The following NDST1 variants were observed in gnomAD, a reference collection of about 807,000 sequenced individuals.
NDST1 encodes the protein bifunctional heparan sulfate N-deacetylase/N-sulfotransferase 1.
NDST1 carries 35 observed loss-of-function variants against 92.8 expected under a neutral mutation model. The ratio of observed to expected loss-of-function variants is 0.38; its 90% confidence interval spans 0.29 to 0.50. The LOEUF (loss-of-function observed/expected upper bound fraction) is 0.50. NDST1 is among the 20% of genes least tolerant of loss of function. NDST1 has a pLI of 0.94. For missense variants in NDST1, 822 were observed against 1,182.7 expected, an observed-to-expected ratio of 0.69 and a Z score of 4.47; for synonymous variants, 493 against 500.3, an observed-to-expected ratio of 0.99 and a Z score of 0.19.
rs1755857889 is a variant in NDST1 at position 150,555,824 on chromosome 5, A to G, written c.*2492A>G. 2 of 152,254 alleles carry G rather than the reference A, an allele frequency of 1.3e-5. 1 individual carries two copies. The highest frequency in any genetic ancestry group is 1.3e-4 in the Admixed American group (2 of 15,284). 9.4% of individuals were successfully genotyped at this position (152,254 alleles called of 1,614,324 possible). A position where few individuals can be genotyped will look rare whatever the true frequency, so the allele number is the denominator to read the frequency against. On this transcript the variant is annotated 3_prime_UTR_variant, in exon 15 of 15. Coordinates refer to ENST00000261797, the MANE Select transcript of NDST1 (RefSeq NM_001543.5). The stretch of plus-strand genomic sequence containing the variant: ...TATGGGAAGGAGCAGGCGGTTGGAA[A>G]TCCTGTGACAGCAGAGATCTTCTGG...
intron 1 of NDST1, among the ~76,000 whole-genome samples, chr5:150,511,553 G>A (rs78272653): frequency 0.024 from 3,698 of 152,276 alleles, 151 homozygotes; most frequent in African/African-American, 0.084. Flanking sequence ...CAAGCCAGGA[G>A]GTCCTTTCCT....
Position 150,502,414 on chromosome 5 carries a change from C to T in NDST1, c.-388+4175C>T, listed in dbSNP as rs921541469. On this transcript the variant is annotated intron_variant, in intron 1 of 1. Transcript: ENST00000518299. ...TTGAGGAACTGGAAGGACAGTTGGACAGTATTGCTATTTACCAAGACAGAG... is the reference window on the plus strand; with the variant it reads ...TTGAGGAACTGGAAGGACAGTTGGATAGTATTGCTATTTACCAAGACAGAG... Among the ~76,000 whole-genome samples, 3 of 152,022 alleles carry T rather than the reference C, an allele frequency of 2.0e-5. No homozygotes were observed. In the South Asian group the frequency reaches 6.2e-4, roughly 32 times the overall value.
chr5:150,508,559 C>T (rs1044586057), intron 1 of NDST1, among the ~76,000 whole-genome samples: 2 of 152,146 alleles, frequency 1.3e-5, no homozygotes, highest in Non-Finnish European at 2.9e-5. Context: ...GACAGCTAGG[C>T]ATGTCCACAA....
At chr5:150,509,863 C>A (rs1419279617) in intron 1 of NDST1, among the ~76,000 whole-genome samples, 9 of 152,216 alleles carry the variant, frequency 5.9e-5, no homozygotes, top group Non-Finnish European at 1.0e-4. Flanking sequence ...GACCCTCTGG[C>A]TGAAGTCCTG....
upstream of NDST1, among the ~76,000 whole-genome samples, chr5:150,503,928 C>T (rs539203289): frequency 6.6e-5 from 10 of 152,238 alleles, no homozygotes; most frequent in East Asian, 9.7e-4. Flanking sequence ...ACTTAATTTA[C>T]GTGTAGGTAG....
intron 13 of NDST1, among the ~76,000 whole-genome samples, 183 bp from the exon 14 acceptor site, chr5:150,551,570 C>T (rs186635482): frequency 2.2e-4 from 33 of 152,280 alleles, no homozygotes; most frequent in Admixed American, 6.5e-4. Context: ...AGGACAGGCA[C>T]GTTTAGTGCA....
At chr5:150,502,010 G>A (rs1753253814) in intron 1 of NDST1, among the ~76,000 whole-genome samples, 1 of 152,204 alleles carries the variant, frequency 6.6e-6, no homozygotes, top group African/African-American at 2.4e-5. Flanking sequence ...CAGAGGCAGG[G>A]CTGAAAGAAT....
chr5:150,527,794 T>C lies in NDST1; in HGVS notation c.514-10T>C, dbSNP rs766185281. The C allele has an allele frequency of 1.2e-6, 2 of 1,613,378 alleles. No homozygotes were observed. ...GTTCTGTTCCCCTTCCTGCCCTCCA[T>C]TGACTGCAGGCCAATGAGAACAGCC... is the stretch of plus-strand genomic sequence containing the variant. On this transcript the variant is annotated splice_polypyrimidine_tract_variant and intron_variant, in intron 2 of 14. Coordinates refer to ENST00000261797, the MANE Select transcript of NDST1 (RefSeq NM_001543.5).
chr5:150,502,584 CAG>C (rs565133321), intron 1 of NDST1, among the ~76,000 whole-genome samples: 99 of 152,182 alleles, frequency 6.5e-4, no homozygotes, highest in Admixed American at 9.2e-4. Context: ...GGAACAGCAA[CAG>C]GGGTTGTGTG....
upstream of NDST1, among the ~76,000 whole-genome samples, chr5:150,507,267 T>C (rs1284029751): frequency 3.9e-5 from 5 of 127,870 alleles, no homozygotes; most frequent in South Asian, 9.2e-4. Flanking sequence ...TAAACATACC[T>C]TTTTTTTTTT....
rs938282382 is a variant in NDST1 at position 150,545,357 on chromosome 5, C to A, written c.2016C>A (p.Phe672Leu). 6 of 1,614,150 alleles carry A rather than the reference C, an allele frequency of 3.7e-6. No individual in the cohort carries two copies. Among genetic ancestry groups the A allele is most frequent in the Non-Finnish European group, 5.1e-6 (6 of 1,180,060 alleles). ...FPIPSNTTSD[F>L]YFEKSANYFD... ...TCCCTTCCAACACCACCTCCGACTT[C>A]TACTTTGAGAAAAGCGCCAACTACT... The change falls in exon 11 of 15, where the codon TTC becomes TTA. Residue 672 changes from phenylalanine (F) to leucine (L), a missense_variant. Transcript: ENST00000261797.
intron 12 of NDST1, among the ~76,000 whole-genome samples, chr5:150,548,622 G>A (rs771991785): frequency 4.7e-4 from 71 of 151,590 alleles, no homozygotes; most frequent in Middle Eastern, 6.8e-3. Context: ...CTATAGCCTC[G>A]ATGTCCCGAG....
chr5:150,534,798 C>A (rs965171706), intron 4 of NDST1, 69 bp from the exon 5 acceptor site: 1 of 1,602,526 alleles, frequency 6.2e-7, no homozygotes, highest in African/African-American at 1.3e-5. Flanking sequence ...CTCCCATCCC[C>A]AGGCACAGGC....
chr5:150,516,367 AG>A (rs1181109283), intron 1 of NDST1, among the ~76,000 whole-genome samples: 1 of 152,228 alleles, frequency 6.6e-6, no homozygotes, highest in African/African-American at 2.4e-5. Flanking sequence ...AATAAGCAAC[AG>A]GGGTGCGTGA....
In NDST1 at chr5:150,542,871, C is replaced by T. The variant is rs773002702; in HGVS notation, c.1870C>T (p.Leu624=). Reference sequence around the variant, plus strand: ...AGGCACCACTGCCCTCTACCTGTTCCTGGGCATGCACCCTGACCTAAGCAG... The same window carrying T: ...AGGCACCACTGCCCTCTACCTGTTCTTGGGCATGCACCCTGACCTAAGCAG... The part of the protein sequence containing the change: ...KTGTTALYLF[L]GMHPDLSSNY... Residue 624 remains leucine (L), a synonymous_variant, in exon 10 of 15, where the codon CTG becomes TTG. Transcript: ENST00000261797. 21 of 1,614,202 alleles carry T rather than the reference C, an allele frequency of 1.3e-5. No homozygotes were observed. In the South Asian group the frequency reaches 2.1e-4, roughly 16 times the overall value.
At chr5:150,551,364 C>T (rs527556930) in intron 13 of NDST1, among the ~76,000 whole-genome samples, 14 of 151,520 alleles carry the variant, frequency 9.2e-5, no homozygotes, top group African/African-American at 1.5e-4. Context: ...TTCCCATTGA[C>T]GCTGGGAGGG....
chr5:150,544,244 A>G (rs1437893003), intron 10 of NDST1, among the ~76,000 whole-genome samples: 1 of 152,216 alleles, frequency 6.6e-6, no homozygotes, highest in East Asian at 1.9e-4. Context: ...CTGTTAGCAA[A>G]TTCATTAATA....
intron 1 of NDST1, among the ~76,000 whole-genome samples, chr5:150,512,098 A>T (rs1275244781): frequency 6.6e-6 from 1 of 152,104 alleles, no homozygotes; most frequent in African/African-American, 2.4e-5. Context: ...GCCCAAGTCC[A>T]GGTACCCACC....
At chr5:150,534,641 A>C (rs948586306) in intron 4 of NDST1, among the ~76,000 whole-genome samples, 1 of 152,202 alleles carries the variant, frequency 6.6e-6, no homozygotes, top group Non-Finnish European at 1.5e-5. Flanking sequence ...GGATCTAGAG[A>C]GCAGATAGTC....
Sources: gnomAD v4.1 joint callset for allele counts (sites outside exome capture counted in the v4.1 genomes callset) on GRCh38, gnomAD v4.1.1 for gene constraint, MANE v1.5 for transcripts, NCBI Gene and HGNC (gene_info 2026-07-23, HGNC 2026-07-21) for gene names.